Variants in IQUB observed in about 807,000 individuals in gnomAD.
IQUB encodes IQ motif and ubiquitin-like domain-containing protein.
A neutral mutation model predicts 86.4 loss-of-function variants in IQUB; 86 were observed. The observed-to-expected ratio is 1.00, with a 90% CI of 0.84 to 1.19. IQUB has a LOEUF of 1.19. Among genes scored for constraint, IQUB ranks in the 50% most tolerant of loss-of-function variants. The pLI is 0.00. For missense variants in IQUB, 946 were observed against 916.9 expected (o/e 1.03, Z -0.41); for synonymous variants, 289 against 304.5 (o/e 0.95, Z 0.53).
In IQUB at chr7:123,457,402, G is replaced by A. The variant is rs1368013450; in HGVS notation, c.2172C>T (p.Leu724=). ...TTACCTCTTCAATACTTGTTAGCTT[G>A]AGATGAGCAGCTGCTTCATCTTTGG... ...LLTKDEAAAH[L]KLTSIEEGYE... Residue 724 remains leucine (L), a synonymous_variant, in exon 12 of 13, where the codon CTC becomes CTT. Transcript: ENST00000324698. The A allele has an allele frequency of 6.2e-7, 1 of 1,611,544 alleles. No homozygotes were observed. The highest frequency in any genetic ancestry group is 8.5e-7 in the Non-Finnish European group (1 of 1,178,738).
intron 7 of IQUB, among the ~76,000 whole-genome samples, chr7:123,483,864 TCTCA>T (rs1251386048): frequency 6.6e-6 from 1 of 152,114 alleles, no homozygotes; most frequent in Non-Finnish European, 1.5e-5. Flanking sequence ...ATGATTACTT[TCTCA>T]CTAAGTTTTA....
intron 1 of IQUB, among the ~76,000 whole-genome samples, chr7:123,518,977 C>A (rs1414656264): frequency 1.3e-5 from 2 of 148,458 alleles, no homozygotes; most frequent in African/African-American, 5.0e-5. Context: ...CCTCAAATAC[C>A]CCCTAATTTA....
At chr7:123,459,183 C>T (rs751533906) in intron 11 of IQUB, among the ~76,000 whole-genome samples, 2 of 151,936 alleles carry the variant, frequency 1.3e-5, no homozygotes, top group Admixed American at 1.3e-4. Context: ...AATTAAATCA[C>T]ATCTAATGGA....
At position 123,452,660 on chromosome 7, in the gene IQUB, C is replaced by T; in HGVS notation, c.*83G>A. The T allele has an allele frequency of 4.8e-6, 4 of 826,660 alleles. No homozygotes were observed. Among genetic ancestry groups the T allele is most frequent in the Non-Finnish European group, 7.1e-6 (4 of 562,220 alleles). 51.2% of individuals were successfully genotyped at this position (826,660 alleles called of 1,614,324 possible). A position where few individuals can be genotyped will look rare whatever the true frequency, so the allele number is the denominator to read the frequency against. The stretch of plus-strand genomic sequence containing the variant: ...ACAAAATCAATAAACAGATTAAATT[C>T]CATTTCCATACTCTGTGACCTCTGT... On this transcript the variant is annotated 3_prime_UTR_variant, in exon 13 of 13. Transcript: ENST00000324698.
At chr7:123,528,057 G>A (rs1344672134) in intron 1 of IQUB, among the ~76,000 whole-genome samples, 2 of 152,328 alleles carry the variant, frequency 1.3e-5, no homozygotes, top group South Asian at 2.1e-4. Context: ...CGCAGTATTC[G>A]GGTGGGAGTG....
intron 8 of IQUB, among the ~76,000 whole-genome samples, chr7:123,477,044 A>G (rs939113512): frequency 6.6e-6 from 1 of 152,184 alleles, no homozygotes; most frequent in African/African-American, 2.4e-5. Flanking sequence ...TGCCATCCCC[A>G]TCAAGCTACC....
chr7:123,516,728 A>G (rs1056811734), intron 1 of IQUB, among the ~76,000 whole-genome samples: 3 of 152,158 alleles, frequency 2.0e-5, no homozygotes, highest in Non-Finnish European at 4.4e-5. Flanking sequence ...TTCTCAATGT[A>G]TTATTTTTAA....
intron 6 of IQUB, among the ~76,000 whole-genome samples, chr7:123,497,132 T>C (rs1795742304): frequency 6.6e-6 from 1 of 152,174 alleles, no homozygotes; most frequent in Non-Finnish European, 1.5e-5. Context: ...AGAAGGATGT[T>C]TGTACGATCC....
chr7:123,461,723 A>C (rs1793998172), intron 10 of IQUB, 118 bp from the exon 11 acceptor site: 1 of 916,402 alleles, frequency 1.1e-6, no homozygotes, highest in African/African-American at 1.7e-5. Flanking sequence ...AGATTTAAAA[A>C]AAAAAGTTGG....
intron 1 of IQUB, 98 bp from the exon 2 acceptor site, chr7:123,512,442 A>G: frequency 1.6e-6 from 1 of 630,136 alleles, no homozygotes; most frequent in East Asian, 2.9e-5. Context: ...ATAATATTCA[A>G]CTAAAATGTT....
At chr7:123,462,691 T>TTGAA (rs1794051838) in intron 10 of IQUB, 1 of 313,634 alleles carries the variant, frequency 3.2e-6, no homozygotes, top group African/African-American at 2.2e-5. Context: ...TTTGTTTATC[T>TTGAA]TGAATGATTA....
intron 9 of IQUB, among the ~76,000 whole-genome samples, chr7:123,466,711 A>G (rs981249957): frequency 6.6e-6 from 1 of 152,200 alleles, no homozygotes; most frequent in African/African-American, 2.4e-5. Context: ...CAGGGTATCA[A>G]AATGTTATGC....
chr7:123,462,716 C>T (rs908470925), intron 10 of IQUB: 11 of 391,070 alleles, frequency 2.8e-5, no homozygotes, highest in African/African-American at 2.3e-4. Flanking sequence ...ATCTTCATGC[C>T]TCCTAGGCAT....
intron 1 of IQUB, among the ~76,000 whole-genome samples, chr7:123,518,463 G>A (rs938790271): frequency 1.5e-4 from 23 of 152,014 alleles, no homozygotes; most frequent in Admixed American, 5.2e-4. Context: ...ACTCACCATG[G>A]CCTTCAAGGT....
chr7:123,453,070 G>T (rs755156586), intron 12 of IQUB, 145 bp from the exon 13 acceptor site: 1 of 633,082 alleles, frequency 1.6e-6, no homozygotes, highest in Admixed American at 3.0e-5. Flanking sequence ...CATCATTCAC[G>T]ACTCAGCTCC....
chr7:123,500,418 A>C (rs564202648), intron 6 of IQUB, among the ~76,000 whole-genome samples: 28 of 152,320 alleles, frequency 1.8e-4, no homozygotes, highest in African/African-American at 6.3e-4. Context: ...AGCATAAACA[A>C]ATAAGAATAA....
In IQUB at chr7:123,510,348, T is replaced by C. The variant is rs59100620; in HGVS notation, c.398-313A>G. 7.0e-3 allele frequency among the ~76,000 whole-genome samples: 1,058 copies of C among 152,188 alleles called. 13 individuals carry two copies. Among genetic ancestry groups the C allele is most frequent in the African/African-American group, 0.024 (1,006 of 41,544 alleles). ...TCTCAGGAAATCACGCATTTTTGCA[T>C]AGTGAATTTAGGAAAGAGAGACCTG... On this transcript the variant is annotated intron_variant, in intron 2 of 12. Coordinates refer to ENST00000324698, the MANE Select transcript of IQUB (RefSeq NM_178827.5).
intron 1 of IQUB, among the ~76,000 whole-genome samples, chr7:123,533,729 A>C (rs1797643784): frequency 6.6e-6 from 1 of 152,260 alleles, no homozygotes; most frequent in African/African-American, 2.4e-5. Flanking sequence ...AGGTGTAACT[A>C]CATATTTGCG....
intron 6 of IQUB, among the ~76,000 whole-genome samples, chr7:123,497,557 A>G (rs1157371238): frequency 1.3e-5 from 2 of 151,956 alleles, no homozygotes; most frequent in East Asian, 3.9e-4. Context: ...ACCCTCAAAA[A>G]GTTTATGATA....
Sources: gnomAD v4.1 joint callset for allele counts (sites outside exome capture counted in the v4.1 genomes callset) on GRCh38, gnomAD v4.1.1 for gene constraint, MANE v1.5 for transcripts, NCBI Gene and HGNC (gene_info 2026-07-23, HGNC 2026-07-21) for gene names.